Variants in SNTG1 observed in about 807,000 individuals in gnomAD.
The protein encoded by SNTG1 is gamma-1-syntrophin.
SNTG1 carries 39 observed loss-of-function variants against 74.7 expected under a neutral mutation model. The observed-to-expected ratio is 0.52, with a 90% CI of 0.40 to 0.68. SNTG1 has a LOEUF of 0.68. Ranked by LOEUF, SNTG1 falls within the 30% of genes least tolerant of loss-of-function variation. The pLI is 0.00. For missense variants in SNTG1, 685 were observed against 609.5 expected (o/e 1.12, Z -1.30); for synonymous variants, 254 against 217.1 (o/e 1.17, Z -1.49).
intron 1 of SNTG1, among the ~76,000 whole-genome samples, chr8:50,019,448 A>G (rs1248029183): frequency 6.6e-6 from 1 of 152,088 alleles, no homozygotes; most frequent in African/African-American, 2.4e-5. Context: ...AGTGAAATCC[A>G]AAGAAGCTCT....
At chr8:50,430,779 A>AAAGGCAAG (rs2093225555) in intron 4 of SNTG1, among the ~76,000 whole-genome samples, 1 of 152,196 alleles carries the variant, frequency 6.6e-6, no homozygotes. Flanking sequence ...ACCATCCAGA[A>AAAGGCAAG]AAGGCAAGAA....
At chr8:50,668,836 T>G (rs1163255068) in intron 15 of SNTG1, among the ~76,000 whole-genome samples, 6 of 152,062 alleles carry the variant, frequency 3.9e-5, no homozygotes, top group African/African-American at 1.4e-4. Flanking sequence ...CTATGTAGTA[T>G]TCCATGGTGT....
At chr8:50,484,137 C>CTTTCTTTCTTTCTTTCCTTCT (rs1563453444) in intron 8 of SNTG1, among the ~76,000 whole-genome samples, 3 of 55,868 alleles carry the variant, frequency 5.4e-5, no homozygotes, top group Non-Finnish European at 1.3e-4. Flanking sequence ...TCTTTCTTTC[C>CTTTCTTTCTTTCTTTCCTTCT]TTCTTTCTTT....
At chr8:50,526,969 G>A (rs1563525784) in intron 9 of SNTG1, among the ~76,000 whole-genome samples, 1 of 152,066 alleles carries the variant, frequency 6.6e-6, no homozygotes, top group Non-Finnish European at 1.5e-5. Context: ...CCCCAGAAAG[G>A]TATGCAAGCA....
At position 50,660,509 on chromosome 8, in the gene SNTG1, AAGGG is replaced by A. The variant is rs969984624; in HGVS notation, c.1038+1861_1038+1864del. ...AGAAAGGAAAGAAGGAAGGAGAAGG[AAGGG>A]AGGGAGGGAGGGAGAAGGAAGGAAG... On this transcript the variant is annotated intron_variant, in intron 15 of 18. Transcript: ENST00000642720. Among the ~76,000 whole-genome samples the A allele has an allele frequency of 6.8e-4, 92 of 135,314 alleles. 1 individual carries two copies. In the South Asian group the frequency reaches 8.4e-3, roughly 12 times the overall value. 88.8% of individuals were successfully genotyped at this position (135,314 alleles called of 152,430 possible). A position where few individuals can be genotyped will look rare whatever the true frequency, so the allele number is the denominator to read the frequency against.
chr8:50,228,380 T>C (rs1034983566), intron 2 of SNTG1, among the ~76,000 whole-genome samples: 12 of 151,998 alleles, frequency 7.9e-5, no homozygotes, highest in Admixed American at 7.9e-4. Flanking sequence ...TTATGATAGC[T>C]AAGAACTTTC....
intron 8 of SNTG1, among the ~76,000 whole-genome samples, chr8:50,469,839 C>T (rs1199762678): frequency 8.5e-5 from 13 of 152,194 alleles, no homozygotes; most frequent in South Asian, 8.3e-4. Flanking sequence ...ATTAGCCAGG[C>T]GTGGTGGCGT....
intron 13 of SNTG1, among the ~76,000 whole-genome samples, chr8:50,621,132 G>T (rs1337336333): frequency 6.6e-6 from 1 of 150,658 alleles, no homozygotes; most frequent in East Asian, 1.9e-4. Context: ...GTGGAGTATA[G>T]TCATAATTTT....
At chr8:50,705,628 A>T (rs1369162220) in intron 16 of SNTG1, among the ~76,000 whole-genome samples, 2 of 151,922 alleles carry the variant, frequency 1.3e-5, no homozygotes, top group Admixed American at 1.3e-4. Flanking sequence ...TGTGCTTGTT[A>T]TTCCCTGCAC....
chr8:50,138,885 G>A (rs2081568140), intron 1 of SNTG1, among the ~76,000 whole-genome samples: 1 of 151,838 alleles, frequency 6.6e-6, no homozygotes, highest in Non-Finnish European at 1.5e-5. Context: ...ATGTTTATAT[G>A]ATATACAGTG....
intron 1 of SNTG1, among the ~76,000 whole-genome samples, chr8:50,095,022 G>A (rs145576693): frequency 2.8e-4 from 43 of 152,280 alleles, no homozygotes; most frequent in African/African-American, 1.0e-3. Flanking sequence ...GTTGCAGCTG[G>A]AGGACATTAT....
chr8:50,760,691 A>T (rs113743307), intron 18 of SNTG1, among the ~76,000 whole-genome samples: 121 of 152,116 alleles, frequency 8.0e-4, no homozygotes, highest in African/African-American at 2.6e-3. Context: ...TAAAAAGAAT[A>T]TCACCACTGA....
chr8:50,373,532 A>G (rs1230755738), intron 2 of SNTG1, among the ~76,000 whole-genome samples: 1 of 152,194 alleles, frequency 6.6e-6, no homozygotes, highest in African/African-American at 2.4e-5. Context: ...GTAGTAAAAA[A>G]TGTACAATAT....
intron 1 of SNTG1, among the ~76,000 whole-genome samples, chr8:50,090,180 C>T (rs1374257651): frequency 6.6e-6 from 1 of 152,124 alleles, no homozygotes. Context: ...AGCAAAGTTT[C>T]AAATTTCATT....
chr8:50,087,938 C>G (rs1209624468), intron 1 of SNTG1, among the ~76,000 whole-genome samples: 1 of 117,488 alleles, frequency 8.5e-6, no homozygotes, highest in Non-Finnish European at 1.7e-5. Context: ...CCCCTCCCCC[C>G]ACCCCACCAC....
At chr8:50,171,025 T>C (rs1363550653) in intron 1 of SNTG1, among the ~76,000 whole-genome samples, 1 of 152,102 alleles carries the variant, frequency 6.6e-6, no homozygotes, top group Non-Finnish European at 1.5e-5. Context: ...TAATTCAAAA[T>C]TGACTGATTT....
In SNTG1 at chr8:50,693,963, C is replaced by T. The variant is rs76103421; in HGVS notation, c.1039-10637C>T. The stretch of plus-strand genomic sequence containing the variant: ...ACCTATGGGATACAGAAAAGCAAAT[C>T]TTATAGGGAAGTTTATATCAACAAC... On this transcript the variant is annotated intron_variant, in intron 15 of 18. Coordinates refer to ENST00000642720, the MANE Select transcript of SNTG1 (RefSeq NM_018967.5). Among the ~76,000 whole-genome samples the T allele has an allele frequency of 3.5e-3, 534 of 151,982 alleles. 8 individuals carry two copies. The East Asian group carries it at 0.059, about 17-fold the overall frequency.
At chr8:50,189,205 G>T (rs1479858115) in intron 2 of SNTG1, among the ~76,000 whole-genome samples, 1 of 152,112 alleles carries the variant, frequency 6.6e-6, no homozygotes. Flanking sequence ...GCCATCAGAG[G>T]TATTATGAAT....
At chr8:50,453,200 G>A (rs1173577855) in intron 8 of SNTG1, among the ~76,000 whole-genome samples, 1 of 152,158 alleles carries the variant, frequency 6.6e-6, no homozygotes, top group African/African-American at 2.4e-5. Flanking sequence ...TTATATAGAA[G>A]GGGGATTTTA....
Sources: allele counts gnomAD v4.1 joint callset (sites outside exome capture counted in the v4.1 genomes callset), GRCh38; gene constraint gnomAD v4.1.1; transcripts MANE v1.5; gene names NCBI Gene and HGNC (gene_info 2026-07-23, HGNC 2026-07-21).